The following FAM135B variants were observed in gnomAD, a reference collection of about 807,000 sequenced individuals.
FAM135B encodes protein FAM135B.
Under a neutral mutation model 127.7 loss-of-function variants are expected in FAM135B, and 43 were observed. The observed-to-expected ratio is 0.34, with a 90% CI of 0.26 to 0.43. FAM135B has a LOEUF of 0.43. FAM135B is among the 20% of genes least tolerant of loss of function. The pLI is 1.00. For synonymous variants in FAM135B, 670 were observed against 665.1 expected, an observed-to-expected ratio of 1.01 and a Z score of -0.11; for missense variants, 1,558 against 1,725.6, an observed-to-expected ratio of 0.90 and a Z score of 1.72.
At chr8:138,327,651 C>CTT (rs1450300455) in intron 2 of FAM135B, among the ~76,000 whole-genome samples, 1 of 152,140 alleles carries the variant, frequency 6.6e-6, no homozygotes, top group African/African-American at 2.4e-5. Flanking sequence ...TTGCTGAGGA[C>CTT]AAGGCACCAA....
intron 1 of FAM135B, among the ~76,000 whole-genome samples, chr8:138,452,322 C>T (rs1354746285): frequency 1.3e-5 from 2 of 151,670 alleles, no homozygotes; most frequent in Non-Finnish European, 2.9e-5. Flanking sequence ...GGTTTCACCA[C>T]GTTGGCCAGA....
At chr8:138,406,916 T>C (rs1473812460) in intron 1 of FAM135B, among the ~76,000 whole-genome samples, 2 of 151,316 alleles carry the variant, frequency 1.3e-5, no homozygotes, top group Non-Finnish European at 1.5e-5. Context: ...CCAGGGCAAT[T>C]AGGCAGAAGG....
rs576553259 is a variant in FAM135B at position 138,183,042 on chromosome 8, C to T, written c.874-4352G>A. On this transcript the variant is annotated intron_variant, in intron 9 of 19. Coordinates refer to ENST00000395297, the MANE Select transcript of FAM135B (RefSeq NM_015912.4). ...GCATACACACTCAGGCACACACACA[C>T]CTGCGATGTCCACTCCTGTTTTAGA... is the stretch of plus-strand genomic sequence containing the variant. Among the ~76,000 whole-genome samples the T allele has an allele frequency of 7.2e-5, 11 of 151,762 alleles. No homozygotes were observed. The South Asian group carries it at 2.3e-3, about 32-fold the overall frequency.
At chr8:138,348,124 C>CTT (rs1230383611) in intron 2 of FAM135B, among the ~76,000 whole-genome samples, 2 of 95,246 alleles carry the variant, frequency 2.1e-5, no homozygotes, top group African/African-American at 8.0e-5. Context: ...TCTTTTTCCT[C>CTT]CTCTTTTTTT....
rs1289189828 is a variant in FAM135B, at chr8:138,152,330, G to A, written c.2145C>T (p.His715=). ...LELPSDREVL[H]PFVRRHALHR... ...GGAGGGCATGTCTTCGAACAAACGG[G>A]TGCAAGACTTCCCGATCACTGGGCA... The change falls in exon 13 of 20, where the codon CAC becomes CAT. Residue 715 remains histidine, a synonymous_variant. Transcript: ENST00000395297. 1.9e-6 allele frequency: 3 copies of A among 1,614,122 alleles called. No homozygotes were observed. Among genetic ancestry groups the A allele is most frequent in the Non-Finnish European group, 2.5e-6 (3 of 1,180,040 alleles).
In FAM135B at chr8:138,197,097, GTGTGTGTGTGTGTGTGTGTGTATA is replaced by G. The variant is rs768054143; in HGVS notation, c.823+395_823+418del. Reference sequence around the variant, plus strand: ...CATATGTGTGTGTGTGTGTGTGTGTGTGTGTGTGTGTGTGTGTGTGTATATATATAGTTTTTATGAGGATTGTTT... The same window carrying G: ...CATATGTGTGTGTGTGTGTGTGTGTGTATATAGTTTTTATGAGGATTGTTT... On this transcript the variant is annotated intron_variant, in intron 8 of 19. Transcript: ENST00000395297. 6.9e-3 allele frequency among the ~76,000 whole-genome samples: 716 copies of G among 103,678 alleles called. 5 individuals are homozygous for G. Among genetic ancestry groups the G allele is most frequent in the Middle Eastern group, 0.021 (4 of 190 alleles). The allele number at this position is 103,678 out of a possible 152,430, so 68.0% of individuals were successfully genotyped here.
At chr8:138,277,839 C>T (rs1295203649) in intron 3 of FAM135B, among the ~76,000 whole-genome samples, 1 of 152,198 alleles carries the variant, frequency 6.6e-6, no homozygotes, top group Admixed American at 6.5e-5. Context: ...CCATGCATCC[C>T]TCCAATACAC....
At chr8:138,324,923 C>A (rs1476181915) in intron 2 of FAM135B, among the ~76,000 whole-genome samples, 2 of 152,156 alleles carry the variant, frequency 1.3e-5, no homozygotes, top group Non-Finnish European at 2.9e-5. Context: ...CATACAAATT[C>A]TCTTTGCATT....
At chr8:138,217,419 C>T (rs1818630189) in intron 7 of FAM135B, among the ~76,000 whole-genome samples, 1 of 147,770 alleles carries the variant, frequency 6.8e-6, no homozygotes, top group Non-Finnish European at 1.5e-5. Context: ...TTCATTTGTT[C>T]TCTGATATAT....
intron 3 of FAM135B, among the ~76,000 whole-genome samples, chr8:138,281,159 T>C (rs1389103442): frequency 1.3e-5 from 2 of 152,202 alleles, no homozygotes. Flanking sequence ...TAAACTACTA[T>C]AGTCCCTGGA....
chr8:138,310,817 C>A (rs2130892204), intron 3 of FAM135B, 24 bp downstream of exon 3: 2 of 1,608,144 alleles, frequency 1.2e-6, no homozygotes, highest in East Asian at 2.3e-5. Context: ...GGGGCAAGTG[C>A]CCCATTGCCA....
intron 9 of FAM135B, among the ~76,000 whole-genome samples, chr8:138,180,759 C>T (rs559018627): frequency 9.8e-5 from 15 of 152,304 alleles, no homozygotes; most frequent in African/African-American, 3.6e-4. Context: ...CATCTCTGAG[C>T]TACTTCTTCC....
chr8:138,394,006 C>G (rs1832729500), intron 1 of FAM135B, among the ~76,000 whole-genome samples: 1 of 152,140 alleles, frequency 6.6e-6, no homozygotes, highest in Non-Finnish European at 1.5e-5. Flanking sequence ...CATGCCTGAG[C>G]AAACAGGACA....
chr8:138,204,683 T>C (rs1817422678), intron 7 of FAM135B, among the ~76,000 whole-genome samples: 1 of 152,252 alleles, frequency 6.6e-6, no homozygotes, highest in Admixed American at 6.5e-5. Flanking sequence ...TAGATTACAA[T>C]AATAATCATG....
chr8:138,340,744 G>A (rs1304959738), intron 2 of FAM135B, among the ~76,000 whole-genome samples: 2 of 152,066 alleles, frequency 1.3e-5, no homozygotes, highest in East Asian at 3.9e-4. Context: ...ATCCTTGGAT[G>A]AGTCAGCCCA....
At chr8:138,268,336 C>T (rs566645619) in intron 3 of FAM135B, among the ~76,000 whole-genome samples, 2 of 152,172 alleles carry the variant, frequency 1.3e-5, no homozygotes, top group East Asian at 1.9e-4. Flanking sequence ...GGAGATTAAG[C>T]GCCTCTGAAT....
chr8:138,334,510 A>G (rs577210410), intron 2 of FAM135B, among the ~76,000 whole-genome samples: 2 of 152,260 alleles, frequency 1.3e-5, no homozygotes, highest in East Asian at 3.9e-4. Context: ...CCCAGTACCC[A>G]TTAGTTATTT....
At chr8:138,295,102 C>CTTTTT (rs527258472) in intron 3 of FAM135B, among the ~76,000 whole-genome samples, 1 of 82,196 alleles carries the variant, frequency 1.2e-5, no homozygotes, top group African/African-American at 5.0e-5. Flanking sequence ...CTTGCTGGTG[C>CTTTTT]TTTTTTTTTT....
At chr8:138,237,596 T>C (rs896860908) in intron 7 of FAM135B, among the ~76,000 whole-genome samples, 1 of 152,234 alleles carries the variant, frequency 6.6e-6, no homozygotes, top group Non-Finnish European at 1.5e-5. Context: ...TGTGAAGGCA[T>C]CTTTTAGAGG....
Sources: allele counts gnomAD v4.1 joint callset (sites outside exome capture counted in the v4.1 genomes callset), GRCh38; gene constraint gnomAD v4.1.1; transcripts MANE v1.5; gene names NCBI Gene and HGNC (gene_info 2026-07-23, HGNC 2026-07-21).